Variants in BPIFB6 observed in about 807,000 individuals in gnomAD.
BPIFB6 encodes the protein BPI fold-containing family B member 6.
Under a neutral mutation model 54.7 loss-of-function variants are expected in BPIFB6, and 47 were observed. The ratio of observed to expected loss-of-function variants is 0.86; its 90% CI spans 0.68 to 1.10. The LOEUF (loss-of-function observed/expected upper bound fraction) is 1.10. Ranked by LOEUF, BPIFB6 falls within the 50% of genes least tolerant of loss-of-function variation. The pLI is 0.00. For synonymous variants in BPIFB6, 255 were observed against 225.9 expected (o/e 1.13, Z -1.16); for missense variants, 603 against 564.1 (o/e 1.07, Z -0.70).
At chr20:33,040,396 C>T (rs1010478903) in intron 11 of BPIFB6, 78 bp downstream of exon 11, 46 of 1,381,910 alleles carry the variant, frequency 3.3e-5, no homozygotes, top group Middle Eastern at 1.8e-4. Flanking sequence ...CCCACACTAC[C>T]GAGCTGATCC....
chr20:33,042,613 G>A (rs374978726), intron 12 of BPIFB6, among the ~76,000 whole-genome samples: 10 of 152,350 alleles, frequency 6.6e-5, no homozygotes, highest in African/African-American at 2.4e-4. Context: ...CATGTCATAG[G>A]TACTAAGCAG....
At chr20:33,034,968 C>T (rs894046209) in intron 4 of BPIFB6, 56 bp downstream of exon 4, 25 of 1,604,524 alleles carry the variant, frequency 1.6e-5, no homozygotes, top group Non-Finnish European at 2.1e-5. Flanking sequence ...TACCCCCCAG[C>T]ATATCACTTC....
At position 33,033,026 on chromosome 20, in the gene BPIFB6, T is replaced by C; in HGVS notation, c.140T>C (p.Met47Thr). The C allele has an allele frequency of 1.2e-6, 2 of 1,614,072 alleles. No individual in the cohort carries two copies. The highest frequency in any genetic ancestry group is 8.5e-7 in the Non-Finnish European group (1 of 1,179,968). Reference protein sequence around the residue: ...AMDESHILEKMAAEAGKKQPG... With the variant: ...AMDESHILEKTAAEAGKKQPG... ...GATGAGAGTCATATCCTGGAGAAGA[T>C]GGCAGCCGAGGCAGGCAAGAAACAG... Residue 47 changes from methionine to threonine, a missense_variant, in exon 2 of 15, where the codon ATG (methionine) becomes ACG (threonine). Physicochemically the swap from Met to Thr is moderately conservative, Grantham distance 81. Transcript: ENST00000349552.
chr20:33,036,355 C>A, intron 6 of BPIFB6, 90 bp from the exon 7 acceptor site: 1 of 1,099,460 alleles, frequency 9.1e-7, no homozygotes, highest in Non-Finnish European at 1.3e-6. Flanking sequence ...ACGTGGAGGG[C>A]CAGGTGCAGG....
rs909903654 is a variant in BPIFB6 at position 33,042,671 on chromosome 20, C to CA, written c.1189-143dup. 71 of 714,346 alleles carry CA rather than the reference C, an allele frequency of 9.9e-5. No homozygotes were observed. The Admixed American group carries it at 1.5e-3, about 15-fold the overall frequency. 44.3% of individuals were successfully genotyped at this position (714,346 alleles called of 1,614,324 possible). On this transcript the variant is annotated intron_variant, in intron 12 of 14. Coordinates refer to ENST00000349552, the MANE Select transcript of BPIFB6 (RefSeq NM_174897.2). ...GTCCAAACAGAGCCAAGGCCAGGCC[C>CA]AGTTTTGATGCCAGCTGGACAAACC...
chr20:33,037,634 G>C lies in BPIFB6; in HGVS notation c.742G>C (p.Gly248Arg), dbSNP rs528320980. The C allele has an allele frequency of 3.1e-6, 5 of 1,613,986 alleles. No homozygotes were observed. The highest frequency in any genetic ancestry group is 1.7e-5 in the Admixed American group (1 of 59,986). The change falls in exon 8 of 15, where the codon GGT becomes CGT. Residue 248 changes from glycine to arginine, a missense_variant. Gly to Arg is a moderately radical substitution (Grantham distance 125, BLOSUM62 -2). Coordinates refer to ENST00000349552, the MANE Select transcript of BPIFB6 (RefSeq NM_174897.2). ...DAGEALTFPE[G>R]YAKGSSQLLL... ...CGGGGAGGCCCTCACGTTCCCTGAGGGTTATGCCAAAGGCTCGTCGCAGCT... is the reference window on the plus strand; with the variant it reads ...CGGGGAGGCCCTCACGTTCCCTGAGCGTTATGCCAAAGGCTCGTCGCAGCT...
intron 14 of BPIFB6, 104 bp downstream of exon 14, chr20:33,043,471 G>A (rs921079340): frequency 5.6e-6 from 6 of 1,080,400 alleles, no homozygotes; most frequent in African/African-American, 1.5e-5. Flanking sequence ...GAGCCTGGGA[G>A]GGCAGGTGGC....
chr20:33,034,010 A>G (rs1353084063), intron 2 of BPIFB6, among the ~76,000 whole-genome samples, 176 bp from the exon 3 acceptor site: 1 of 151,094 alleles, frequency 6.6e-6, no homozygotes, highest in East Asian at 1.9e-4. Context: ...AAATTGATTC[A>G]TGTCCAGCCT....
intron 14 of BPIFB6, 116 bp downstream of exon 14, chr20:33,043,483 A>G: frequency 1.1e-6 from 1 of 911,254 alleles, no homozygotes; most frequent in Non-Finnish European, 1.8e-6. Context: ...GCAGGTGGCC[A>G]TCAATATAAT....
intron 8 of BPIFB6, 118 bp from the exon 9 acceptor site, chr20:33,038,791 G>T: frequency 1.0e-6 from 1 of 961,028 alleles, no homozygotes; most frequent in East Asian, 2.4e-5. Context: ...AACTCAGAGC[G>T]TTAAGTATTG....
intron 10 of BPIFB6, 100 bp from the exon 11 acceptor site, chr20:33,040,151 G>GC: frequency 9.5e-7 from 1 of 1,055,028 alleles, no homozygotes; most frequent in Non-Finnish European, 1.5e-6. Flanking sequence ...CTTTGTCTTG[G>GC]CAATGGTGGT....
chr20:33,037,687 AG>A lies in BPIFB6; in HGVS notation c.796del (p.Glu266SerfsTer11), dbSNP rs147211844. ...LLLPATFLSA[E>X]LALLQKSFHV... is the part of the protein sequence containing the mutation. ...TGCTCCCAGCCACCTTCCTCTCTGC[AG>A]AGCTTGCCCTTCTGCAGAAGTCCTT... is the stretch of plus-strand genomic sequence containing the variant. On this transcript the variant is annotated frameshift_variant, in exon 8 of 15. Transcript: ENST00000349552. LOFTEE classifies it high-confidence loss of function. 1,901 of 1,614,208 alleles carry A rather than the reference AG, an allele frequency of 1.2e-3. 24 individuals carry two copies. In the African/African-American group the frequency reaches 0.022, roughly 19 times the overall value.
intron 14 of BPIFB6, among the ~76,000 whole-genome samples, 167 bp from the exon 15 acceptor site, chr20:33,043,848 G>T (rs932472256): frequency 6.6e-6 from 1 of 152,156 alleles, no homozygotes; most frequent in Non-Finnish European, 1.5e-5. Context: ...AAAATTGAGG[G>T]TAAGAGAGGT....
chr20:33,034,018 C>A (rs932014233), intron 2 of BPIFB6, among the ~76,000 whole-genome samples, 168 bp from the exon 3 acceptor site: 2 of 150,538 alleles, frequency 1.3e-5, no homozygotes, highest in Non-Finnish European at 2.9e-5. Context: ...TCATGTCCAG[C>A]CTTTTGTTTT....
chr20:33,032,952 A>C, intron 1 of BPIFB6, 32 bp from the exon 2 acceptor site: 1 of 1,571,080 alleles, frequency 6.4e-7, no homozygotes, highest in Non-Finnish European at 8.8e-7. Context: ...TGGCCCAGGG[A>C]AAATCTCTCC....
intron 2 of BPIFB6, 52 bp downstream of exon 2, chr20:33,033,135 G>A (rs775194910): frequency 1.5e-6 from 2 of 1,367,150 alleles, no homozygotes; most frequent in East Asian, 2.3e-5. Context: ...AGGGTGGTGG[G>A]GATTGCTGTG....
chr20:33,042,483 C>A (rs1194962174), intron 12 of BPIFB6, among the ~76,000 whole-genome samples: 3 of 152,192 alleles, frequency 2.0e-5, no homozygotes, highest in African/African-American at 7.2e-5. Flanking sequence ...AGCTATAGAG[C>A]GGTGGTAAGT....
chr20:33,039,373 GC>G lies in BPIFB6; in HGVS notation c.930del (p.Leu311Ter). The G allele has an allele frequency of 6.2e-7, 1 of 1,613,288 alleles. No individual in the cohort carries two copies. On this transcript the variant is annotated frameshift_variant, in exon 10 of 15. Transcript: ENST00000349552. LOFTEE classifies it high-confidence loss of function. ...EVAVAYPKSKPLTTQIKIKKP... is the reference protein window; with the variant it reads ...EVAVAYPKSKXLTTQIKIKKP... ...TGGCTGTAGCTTATCCCAAGTCAAA[GC>G]CCTTGACGACCCAGATCAAGATAAA...
intron 7 of BPIFB6, 114 bp downstream of exon 7, chr20:33,036,650 C>T (rs1214385928): frequency 1.4e-5 from 14 of 1,017,164 alleles, no homozygotes; most frequent in Non-Finnish European, 2.0e-5. Context: ...GAGGGAGGCC[C>T]CTCAAGCCGT....
Sources: gnomAD v4.1 joint callset for allele counts (sites outside exome capture counted in the v4.1 genomes callset) on GRCh38, gnomAD v4.1.1 for gene constraint, MANE v1.5 for transcripts, NCBI Gene and HGNC (gene_info 2026-07-23, HGNC 2026-07-21) for gene names.